The following NUP58 variants were observed in gnomAD, a reference collection of about 807,000 sequenced individuals.
NUP58 encodes nucleoporin 58.
Under a neutral mutation model 70.1 loss-of-function variants are expected in NUP58, and 17 were observed. That is an observed-to-expected ratio of 0.24 (90% CI 0.17 to 0.36). NUP58 has a LOEUF of 0.36. Ranked by LOEUF, NUP58 falls within the 10% of genes least tolerant of loss-of-function variation. The probability of loss-of-function intolerance (pLI) is 1.00; values close to 1 mark genes in which losing one functional copy is unlikely to be tolerated. For missense variants in NUP58, 644 were observed against 701.5 expected (o/e 0.92, Z 0.93); for synonymous variants, 275 against 257.6 (o/e 1.07, Z -0.65).
chr13:25,342,693 G>C (rs779210022), downstream of NUP58, among the ~76,000 whole-genome samples: 1 of 152,010 alleles, frequency 6.6e-6, no homozygotes, highest in Admixed American at 6.5e-5. Flanking sequence ...ATTTCCTAGT[G>C]TGCAGTCTGA....
intron 13 of NUP58, chr13:25,332,831 T>G: frequency 3.0e-6 from 3 of 985,446 alleles, no homozygotes; most frequent in Non-Finnish European, 3.6e-6. Context: ...GATTGATTCC[T>G]TTGAGGATTG....
At chr13:25,324,922 G>T (rs957419515) in intron 9 of NUP58, 67 bp from the exon 10 acceptor site, 2 of 1,016,644 alleles carry the variant, frequency 2.0e-6, no homozygotes, top group South Asian at 2.8e-5. Context: ...ATTTTTTTTC[G>T]TACGGTATTT....
At chr13:25,315,297 C>A in intron 5 of NUP58, 60 bp from the exon 6 acceptor site, 1 of 1,196,222 alleles carries the variant, frequency 8.4e-7, no homozygotes, top group Non-Finnish European at 1.2e-6. Flanking sequence ...GTCCTTTGAT[C>A]AGTAAGGGGA....
intron 1 of NUP58, among the ~76,000 whole-genome samples, chr13:25,303,455 T>A (rs1349927882): frequency 6.6e-6 from 1 of 152,072 alleles, no homozygotes; most frequent in African/African-American, 2.4e-5. Flanking sequence ...TTTTTTTTTT[T>A]AATGTTGCTT....
At chr13:25,322,013 A>G (rs1170265799) in intron 9 of NUP58, among the ~76,000 whole-genome samples, 4 of 152,250 alleles carry the variant, frequency 2.6e-5, no homozygotes, top group African/African-American at 7.2e-5. Flanking sequence ...TATACAATAC[A>G]TATTAAATAT....
At position 25,307,939 on chromosome 13, in the gene NUP58, A is replaced by T. The variant is rs11556095; in HGVS notation, c.241A>T (p.Thr81Ser). ...KPATGFTLGGTNTGIATTITT... is the reference protein window; with the variant it reads ...KPATGFTLGGSNTGIATTITT... ...TGCCACTGGGTTCACTCTAGGAGGA[A>T]CAAATACAGGTGAGGAGGATCTGAT... The change falls in exon 2 of 16, where the codon ACA becomes TCA. Residue 81 changes from threonine (T) to serine (S), a missense_variant. By Grantham distance (58) the Thr-to-Ser change is moderately conservative. This residue lies in a region of NUP58 where 430 missense variants were observed against 409.2 expected (regional missense o/e 1.05). Coordinates refer to ENST00000381736, the MANE Select transcript of NUP58 (RefSeq NM_014089.4). 1.4e-4 allele frequency: 234 copies of T among 1,614,006 alleles called. 1 individual carries two copies. The Middle Eastern group carries it at 1.5e-3, about 10-fold the overall frequency.
rs1201229311 is a variant in NUP58 at position 25,338,683 on chromosome 13, A to C, written c.1582A>C (p.Thr528Pro). The C allele has an allele frequency of 3.1e-6, 5 of 1,613,792 alleles. No individual in the cohort carries two copies. In the East Asian group the frequency reaches 1.1e-4, roughly 36 times the overall value. ...TGGATGCAGCACCACAGGGGCCTCC[A>C]CATTTGGATTTGGAACAACAAATAA... ...GFGCSTTGAS[T>P]FGFGTTNKPS... Residue 528 changes from threonine (T) to proline (P), a missense_variant, in exon 15 of 16, where the codon ACA becomes CCA. Physicochemically the swap from Thr to Pro is conservative, Grantham distance 38 (BLOSUM62 -1). This residue lies in a region of NUP58 where 132 missense variants were observed against 203.9 expected (regional missense o/e 0.65). Transcript: ENST00000381736.
chr13:25,328,616 C>T (rs1336939983), intron 12 of NUP58, among the ~76,000 whole-genome samples: 4 of 152,048 alleles, frequency 2.6e-5, no homozygotes, highest in Non-Finnish European at 2.9e-5. Flanking sequence ...AGGCTGGTCT[C>T]GAACTACTAA....
chr13:25,325,652 T>C lies in NUP58; in HGVS notation c.1031+584T>C, dbSNP rs1035241215. On this transcript the variant is annotated intron_variant, in intron 10 of 15. Coordinates refer to ENST00000381736, the MANE Select transcript of NUP58 (RefSeq NM_014089.4). ...ACAAGATCTCTGTAGCTGTTGTTAT[T>C]CCAGTTTTAGCGATAAAGAGACTGA... is the stretch of plus-strand genomic sequence containing the variant. 1.3e-4 allele frequency among the ~76,000 whole-genome samples: 20 copies of C among 152,216 alleles called. 1 individual carries two copies. The highest frequency in any genetic ancestry group is 9.2e-4 in the Admixed American group (14 of 15,284).
At chr13:25,333,138 G>A in intron 13 of NUP58, 2 of 985,136 alleles carry the variant, frequency 2.0e-6, no homozygotes, top group Non-Finnish European at 1.2e-6. Flanking sequence ...GTGTGTGTGT[G>A]TGTTTAACTT....
intron 13 of NUP58, chr13:25,334,093 G>C (rs1346909188): frequency 4.1e-6 from 4 of 985,160 alleles, no homozygotes; most frequent in Non-Finnish European, 4.8e-6. Flanking sequence ...GTGATTTACA[G>C]TTATTTGTTC....
Position 25,327,463 on chromosome 13 carries a change from C to T in NUP58, c.1184C>T (p.Thr395Ile), listed in dbSNP as rs745403617. The change falls in exon 12 of 16, where the codon ACA becomes ATA. Residue 395 changes from threonine to isoleucine, a missense_variant. Physicochemically the swap from Thr to Ile is moderately conservative, Grantham distance 89. Coordinates refer to ENST00000381736, the MANE Select transcript of NUP58 (RefSeq NM_014089.4). ...LSMAMQKIYQ[T>I]FVALAAQLQS... ...ATGGCTATGCAGAAAATTTATCAAACATTTGTAGCTTTAGCGGCACAACTT... is the reference window on the plus strand; with the variant it reads ...ATGGCTATGCAGAAAATTTATCAAATATTTGTAGCTTTAGCGGCACAACTT... 2 of 1,610,236 alleles carry T rather than the reference C, an allele frequency of 1.2e-6. No homozygotes were observed. The highest frequency in any genetic ancestry group is 3.4e-5 in the Admixed American group (2 of 59,494).
intron 6 of NUP58, among the ~76,000 whole-genome samples, chr13:25,315,883 G>A (rs974935074): frequency 1.3e-5 from 2 of 152,056 alleles, no homozygotes; most frequent in South Asian, 2.1e-4. Context: ...GGAATTGCCC[G>A]GGTTCAGATC....
intron 9 of NUP58, 103 bp from the exon 10 acceptor site, chr13:25,324,886 T>G: frequency 1.3e-6 from 1 of 763,666 alleles, no homozygotes; most frequent in Non-Finnish European, 2.2e-6. Context: ...AAGGTATTGT[T>G]TGAAGTTTCA....
At chr13:25,318,727 G>GT (rs2031050908) in intron 6 of NUP58, among the ~76,000 whole-genome samples, 1 of 152,102 alleles carries the variant, frequency 6.6e-6, no homozygotes, top group South Asian at 2.1e-4. Context: ...AACTGGCAAG[G>GT]TTTTTTATAA....
chr13:25,313,006 C>G lies in NUP58; in HGVS notation c.410C>G (p.Ser137Trp), dbSNP rs749057034. The stretch of plus-strand genomic sequence containing the variant: ...ACCTCAGCTAGCGGTCTGACTCTTT[C>G]GTCTGCTCTGACATCAACTCCAGCA... The part of the protein sequence containing the change: ...TSTSASGLTL[S>W]SALTSTPAAS... The change falls in exon 4 of 16, where the codon TCG (serine) becomes TGG (tryptophan). Residue 137 changes from serine (S) to tryptophan (W), a missense_variant. By Grantham distance (177) the Ser-to-Trp change is radical. Coordinates refer to ENST00000381736, the MANE Select transcript of NUP58 (RefSeq NM_014089.4). 2.5e-6 allele frequency: 4 copies of G among 1,614,032 alleles called. No homozygotes were observed. Among genetic ancestry groups the G allele is most frequent in the South Asian group, 1.1e-5 (1 of 91,042 alleles).
chr13:25,303,042 T>C, intron 1 of NUP58: 1 of 456,516 alleles, frequency 2.2e-6, no homozygotes. Context: ...ATCCTTACAT[T>C]CTTATGAAAA....
chr13:25,309,232 T>G lies in NUP58; in HGVS notation c.251-15T>G, dbSNP rs1245449334. Reference sequence around the variant, plus strand: ...TTCATTGATGATTAAATTTTATTTCTCTTTTTGTCCCCAGGAATAGCAACA... The same window carrying G: ...TTCATTGATGATTAAATTTTATTTCGCTTTTTGTCCCCAGGAATAGCAACA... On this transcript the variant is annotated splice_polypyrimidine_tract_variant and intron_variant, in intron 2 of 15. Transcript: ENST00000381736. 6.3e-7 allele frequency: 1 copy of G among 1,593,050 alleles called. No individual in the cohort carries two copies. The highest frequency in any genetic ancestry group is 1.1e-5 in the South Asian group (1 of 90,272).
In NUP58 at chr13:25,326,973, G is replaced by A. The variant is rs1296575239; in HGVS notation, c.1089G>A (p.Gln363=). The change falls in exon 11 of 16, where the codon CAG becomes CAA. Residue 363 remains glutamine, a synonymous_variant. Transcript: ENST00000381736. ...FEVQLQQYRQ[Q]IEELENHLAT... Reference sequence around the variant, plus strand: ...TACAGCTTCAGCAGTACAGGCAGCAGATTGAAGAACTAGAAAACCATCTTG... The same window carrying A: ...TACAGCTTCAGCAGTACAGGCAGCAAATTGAAGAACTAGAAAACCATCTTG... 3.1e-6 allele frequency: 5 copies of A among 1,608,348 alleles called. No individual in the cohort carries two copies. Among genetic ancestry groups the A allele is most frequent in the Non-Finnish European group, 4.2e-6 (5 of 1,176,934 alleles).
Sources: allele counts gnomAD v4.1 joint callset (sites outside exome capture counted in the v4.1 genomes callset), GRCh38; gene constraint gnomAD v4.1.1; regional missense constraint gnomAD v4.1.1; transcripts MANE v1.5; gene names NCBI Gene and HGNC (gene_info 2026-07-23, HGNC 2026-07-21).